Variants in NSF observed in about 807,000 individuals in gnomAD.
NSF encodes N-ethylmaleimide sensitive factor, vesicle fusing ATPase.
In NSF, 14 loss-of-function variants were observed where a neutral mutation model predicts 50.3. The observed-to-expected ratio is 0.28, with a 90% confidence interval of 0.18 to 0.44. NSF has a LOEUF of 0.44. Ranked by LOEUF, NSF falls within the 20% of genes least tolerant of loss-of-function variation. The probability of loss-of-function intolerance (pLI) is 1.00; values close to 1 mark genes in which losing one functional copy is unlikely to be tolerated. For missense variants in NSF, 218 were observed against 504.3 expected, an observed-to-expected ratio of 0.43 and a Z score of 5.44; for synonymous variants, 109 against 175.7, an observed-to-expected ratio of 0.62 and a Z score of 3.00.
At chr17:46,671,612 T>A (rs1022830783) in intron 8 of NSF, among the ~76,000 whole-genome samples, 52 of 50,008 alleles carry the variant, frequency 1.0e-3, no homozygotes, top group Non-Finnish European at 2.1e-3. Flanking sequence ...TAAAGCAGAC[T>A]AGAGCTTCTA....
intron 17 of NSF, among the ~76,000 whole-genome samples, chr17:46,740,637 A>C (rs1450681752): frequency 6.6e-6 from 1 of 151,178 alleles, no homozygotes; most frequent in African/African-American, 2.4e-5. Context: ...ATACTATGGC[A>C]TGGTCAGTAC....
intron 13 of NSF, 131 bp from the exon 14 acceptor site, chr17:46,710,832 T>G (rs1214967113): frequency 2.6e-6 from 2 of 767,824 alleles, no homozygotes. Flanking sequence ...GTTGTTTTGC[T>G]TTCCAGGCTT....
chr17:46,684,818 A>C (rs1175387710), intron 9 of NSF, among the ~76,000 whole-genome samples: 16 of 125,660 alleles, frequency 1.3e-4, no homozygotes, highest in Admixed American at 4.4e-4. Flanking sequence ...AGGCATGGGC[A>C]AAGACTTCAT....
At position 46,755,925 on chromosome 17, in the gene NSF, G is replaced by T; in HGVS notation, c.*102G>T. Reference sequence around the variant, plus strand: ...CTCAAGATACTGGACTAAGTGGAACGTTCTCTACCTTCAACATGTGCTCGC... The same window carrying T: ...CTCAAGATACTGGACTAAGTGGAACTTTCTCTACCTTCAACATGTGCTCGC... On this transcript the variant is annotated 3_prime_UTR_variant, in exon 21 of 21. Transcript: ENST00000398238. The T allele has an allele frequency of 2.6e-6, 3 of 1,140,902 alleles. No individual in the cohort carries two copies. Among genetic ancestry groups the T allele is most frequent in the Non-Finnish European group, 1.3e-6 (1 of 780,570 alleles). The allele number at this position is 1,140,902 out of a possible 1,614,324, so 70.7% of individuals were successfully genotyped here. A position where few individuals can be genotyped will look rare whatever the true frequency, so the allele number is the denominator to read the frequency against.
At chr17:46,755,559 C>T (rs765371851) in intron 20 of NSF, 190 bp downstream of exon 20, 37 of 684,810 alleles carry the variant, frequency 5.4e-5, no homozygotes, top group Middle Eastern at 2.5e-4. Flanking sequence ...TGTCCTGCTT[C>T]GCAAAACTTC....
chr17:46,752,447 A>T (rs2059190456), intron 19 of NSF, among the ~76,000 whole-genome samples: 2 of 151,956 alleles, frequency 1.3e-5, no homozygotes, highest in African/African-American at 2.4e-5. Context: ...GTGCTCAGTA[A>T]ACTTTTATTA....
chr17:46,744,926 A>G (rs1290482873), intron 17 of NSF, among the ~76,000 whole-genome samples: 3 of 152,180 alleles, frequency 2.0e-5, no homozygotes, highest in Admixed American at 2.0e-4. Flanking sequence ...TCATAATCCG[A>G]TTGGCAGATA....
intron 15 of NSF, chr17:46,722,018 T>C: frequency 6.2e-7 from 1 of 1,609,280 alleles, no homozygotes; most frequent in South Asian, 1.1e-5. Flanking sequence ...AACTTCAGTT[T>C]CCTTGGCTGC....
intron 17 of NSF, among the ~76,000 whole-genome samples, chr17:46,741,826 G>A (rs943898337): frequency 6.6e-6 from 1 of 152,150 alleles, no homozygotes; most frequent in Non-Finnish European, 1.5e-5. Context: ...GAGTGCAGTG[G>A]CGCCATCTCG....
At chr17:46,728,993 A>C in intron 17 of NSF, 59 bp downstream of exon 17, 1 of 1,030,896 alleles carries the variant, frequency 9.7e-7, no homozygotes, top group Non-Finnish European at 1.5e-6. Flanking sequence ...TAAATCGCAT[A>C]TAATGATACA....
At chr17:46,716,295 C>A (rs1282381635) in intron 15 of NSF, among the ~76,000 whole-genome samples, 1 of 146,738 alleles carries the variant, frequency 6.8e-6, no homozygotes, top group Non-Finnish European at 1.5e-5. Context: ...CTTGCTCTGT[C>A]GCCCAGGCTG....
Position 46,681,234 on chromosome 17 carries a change from T to C in NSF, c.945+6621T>C, listed in dbSNP as rs199603922. On this transcript the variant is annotated intron_variant, in intron 9 of 20. Coordinates refer to ENST00000398238, the MANE Select transcript of NSF (RefSeq NM_006178.4). ...TATGCTGAGCACAGTGGCCCACGCC[T>C]GTAATCCCAGCACTTCAGGATGCCA... 8.0e-5 allele frequency among the ~76,000 whole-genome samples: 11 copies of C among 138,036 alleles called. No homozygotes were observed. The East Asian group carries it at 8.2e-4, about 10-fold the overall frequency. The allele number at this position is 138,036 out of a possible 152,430, so 90.6% of individuals were successfully genotyped here.
At chr17:46,737,617 G>A (rs1235197148) in intron 17 of NSF, among the ~76,000 whole-genome samples, 11 of 151,480 alleles carry the variant, frequency 7.3e-5, no homozygotes, top group Admixed American at 7.2e-4. Context: ...TCTGATCCAT[G>A]CAGAAGCTAA....
chr17:46,712,737 T>C (rs2058731941), intron 14 of NSF, among the ~76,000 whole-genome samples: 1 of 152,030 alleles, frequency 6.6e-6, no homozygotes, highest in Non-Finnish European at 1.5e-5. Flanking sequence ...GGCCTAGAAC[T>C]TGTCTCTGAA....
intron 15 of NSF, chr17:46,721,462 T>A: frequency 1.5e-6 from 1 of 669,372 alleles, no homozygotes; most frequent in East Asian, 2.7e-5. Flanking sequence ...TTTAAGACCC[T>A]ATATATGTAT....
chr17:46,750,427 T>G (rs907997735), intron 18 of NSF, among the ~76,000 whole-genome samples: 1 of 152,220 alleles, frequency 6.6e-6, no homozygotes, highest in African/African-American at 2.4e-5. Context: ...GCATTATATT[T>G]AGGTTGAGCG....
intron 14 of NSF, among the ~76,000 whole-genome samples, chr17:46,712,444 C>T (rs932912201): frequency 1.3e-5 from 2 of 152,074 alleles, no homozygotes; most frequent in Non-Finnish European, 2.9e-5. Context: ...CAAACATGAC[C>T]CCCTGGGTTC....
chr17:46,713,727 T>C, intron 14 of NSF, 126 bp from the exon 15 acceptor site: 1 of 761,622 alleles, frequency 1.3e-6, no homozygotes. Context: ...TGTGAAATTG[T>C]GTCAGGAAAT....
At chr17:46,713,756 G>A (rs1204570478) in intron 14 of NSF, 97 bp from the exon 15 acceptor site, 11 of 1,131,088 alleles carry the variant, frequency 9.7e-6, no homozygotes, top group South Asian at 3.0e-5. Context: ...GCAACTAGTC[G>A]AGACCTCAGT....
Sources: allele counts gnomAD v4.1 joint callset (sites outside exome capture counted in the v4.1 genomes callset), GRCh38; gene constraint gnomAD v4.1.1; transcripts MANE v1.5; gene names NCBI Gene and HGNC (gene_info 2026-07-23, HGNC 2026-07-21).